Variants in HPX observed in about 807,000 individuals in gnomAD.
HPX encodes the protein hemopexin, also known as beta-1B-glycoprotein.
A neutral mutation model predicts 53.8 loss-of-function variants in HPX; 42 were observed. The ratio of observed to expected loss-of-function variants is 0.78; its 90% CI spans 0.61 to 1.01. The LOEUF (loss-of-function observed/expected upper bound fraction) is 1.01, where lower values mean the gene tolerates loss of function less well. Among genes scored for constraint, HPX ranks in the 50% least tolerant of loss-of-function variants. HPX has a pLI of 0.00. For synonymous variants in HPX, 229 were observed against 221.1 expected, an observed-to-expected ratio of 1.04 and a Z score of -0.32; for missense variants, 547 against 594.3, an observed-to-expected ratio of 0.92 and a Z score of 0.83.
At position 6,431,381 on chromosome 11, in the gene HPX, A is replaced by C. The variant is rs749582297; in HGVS notation, c.1219T>G (p.Leu407Val). The C allele has an allele frequency of 1.2e-6, 2 of 1,614,222 alleles. No homozygotes were observed. The highest frequency in any genetic ancestry group is 3.3e-5 in the Admixed American group (2 of 60,024). ...GGGCCAAGGGACTTTTCCATACACA[A>C]GGCTCCGTCTACCTTCTCATGGGGC... ...PWPHEKVDGA[L>V]CMEKSLGPNS... Residue 407 changes from leucine (L) to valine (V), a missense_variant, in exon 10 of 10, where the codon TTG becomes GTG. Coordinates refer to ENST00000265983, the MANE Select transcript of HPX (RefSeq NM_000613.3).
At chr11:6,436,012 T>C (rs1006986644) in intron 7 of HPX, among the ~76,000 whole-genome samples, 1 of 152,206 alleles carries the variant, frequency 6.6e-6, no homozygotes, top group Non-Finnish European at 1.5e-5. Context: ...CCCAATGGGC[T>C]CCCACCATGG....
intron 4 of HPX, among the ~76,000 whole-genome samples, chr11:6,439,310 C>A (rs149729167): frequency 6.6e-6 from 1 of 152,254 alleles, no homozygotes; most frequent in African/African-American, 2.4e-5. Context: ...GATCATGAGA[C>A]CCTGTGTGCA....
rs772557650 is a variant in HPX at position 6,438,394 on chromosome 11, C to A, written c.452G>T (p.Arg151Leu). The change falls in exon 5 of 10, where the codon CGT (arginine) becomes CTT (leucine). Residue 151 changes from arginine to leucine, a missense_variant. Arg to Leu is a moderately radical substitution (Grantham distance 102). Coordinates refer to ENST00000265983, the MANE Select transcript of HPX (RefSeq NM_000613.3). ...GACGCCTTCAGCTTGACATTCTCCACGGTGACATTCCACAGCTGCATCCAG... is the reference window on the plus strand; with the variant it reads ...GACGCCTTCAGCTTGACATTCTCCAAGGTGACATTCCACAGCTGCATCCAG... ...SPLDAAVECHRGECQAEGVLF... is the reference protein window; with the variant it reads ...SPLDAAVECHLGECQAEGVLF... The A allele has an allele frequency of 6.2e-7, 1 of 1,614,146 alleles. No homozygotes were observed. Among genetic ancestry groups the A allele is most frequent in the Non-Finnish European group, 8.5e-7 (1 of 1,180,014 alleles).
intron 4 of HPX, 96 bp from the exon 5 acceptor site, chr11:6,438,605 C>T (rs1849447590): frequency 3.7e-6 from 4 of 1,091,292 alleles, no homozygotes; most frequent in Non-Finnish European, 5.4e-6. Context: ...TATACGATAT[C>T]CTCCTGTGGC....
intron 7 of HPX, among the ~76,000 whole-genome samples, chr11:6,435,232 G>A (rs1193986065): frequency 2.6e-5 from 4 of 151,862 alleles, no homozygotes; most frequent in Middle Eastern, 3.2e-3. Flanking sequence ...CCAAGATTGC[G>A]CCATTGCACT....
rs71056749 is a variant in HPX at position 6,440,567 on chromosome 11, T to TAA, written c.143-31_143-30dup. The TAA allele has an allele frequency of 1.4e-3, 851 of 590,566 alleles. 21 individuals carry two copies. The highest frequency in any genetic ancestry group is 2.7e-3 in the African/African-American group (83 of 30,624). 36.6% of individuals were successfully genotyped at this position (590,566 alleles called of 1,614,324 possible). ...GGGTGGAGGTAGGGAGATGGCAAAG[T>TAA]AAAAAAAAAAAAAAAAAAAAAAAAA... On this transcript the variant is annotated intron_variant, in intron 2 of 9. Coordinates refer to ENST00000265983, the MANE Select transcript of HPX (RefSeq NM_000613.3).
At chr11:6,440,762 T>C (rs765101377) in intron 1 of HPX, 32 bp from the exon 2 acceptor site, 10 of 1,607,330 alleles carry the variant, frequency 6.2e-6, no homozygotes, top group South Asian at 3.3e-5. Context: ...TCTTGATCCA[T>C]TGGGACCGAT....
rs765865106 is a variant in HPX at position 6,437,144 on chromosome 11, T to C, written c.737A>G (p.Asn246Ser). 10 of 1,613,870 alleles carry C rather than the reference T, an allele frequency of 6.2e-6. No homozygotes were observed. In the East Asian group the frequency reaches 2.2e-4, roughly 36 times the overall value. ...ATACTCAGGGCCATGGTGGGTACTG[T>C]TCCCATGGCCAGTCCCATTCCTGTG... Reference protein sequence around the residue: ...HGHRNGTGHGNSTHHGPEYMR... With the variant: ...HGHRNGTGHGSSTHHGPEYMR... The change falls in exon 7 of 10, where the codon AAC becomes AGC. Residue 246 changes from asparagine to serine, a missense_variant. Coordinates refer to ENST00000265983, the MANE Select transcript of HPX (RefSeq NM_000613.3).
chr11:6,436,428 A>C (rs1475131557), intron 7 of HPX, among the ~76,000 whole-genome samples: 2 of 152,174 alleles, frequency 1.3e-5, no homozygotes, highest in Non-Finnish European at 2.9e-5. Context: ...GGCTTTTACC[A>C]ATTGATGCCA....
Position 6,431,225 on chromosome 11 carries a change from C to A in HPX, c.1375G>T (p.Gly459Cys), listed in dbSNP as rs745736661. ...PQPQNVTSLL[G>C]CTH ...CAGAAGGCCCCTCAGTGAGTGCAGC[C>A]CAGGAGACTGGTCACATTCTGGGGT... The change falls in exon 10 of 10, where the codon GGC becomes TGC. Residue 459 changes from glycine (G) to cysteine (C), a missense_variant. Gly to Cys is a radical substitution (Grantham distance 159). Transcript: ENST00000265983. The A allele has an allele frequency of 1.2e-6, 2 of 1,614,088 alleles. No homozygotes were observed. The highest frequency in any genetic ancestry group is 1.7e-6 in the Non-Finnish European group (2 of 1,180,046).
intron 7 of HPX, 78 bp downstream of exon 7, chr11:6,436,968 G>A: frequency 6.7e-7 from 1 of 1,486,584 alleles, no homozygotes; most frequent in South Asian, 1.2e-5. Flanking sequence ...TGATGACAAT[G>A]GAGAAATGTG....
chr11:6,438,337 G>A lies in HPX; in HGVS notation c.490+19C>T. Reference sequence around the variant, plus strand: ...AACCCACCACTACTCCAGGTTCTTGGATTCCAGCCTGGACTGACCTTGGAA... The same window carrying A: ...AACCCACCACTACTCCAGGTTCTTGAATTCCAGCCTGGACTGACCTTGGAA... On this transcript the variant is annotated intron_variant, in intron 5 of 9. Transcript: ENST00000265983. 8 of 1,612,904 alleles carry A rather than the reference G, an allele frequency of 5.0e-6. No individual in the cohort carries two copies. The highest frequency in any genetic ancestry group is 6.8e-6 in the Non-Finnish European group (8 of 1,179,250).
chr11:6,435,189 C>A (rs1040988749), intron 7 of HPX, among the ~76,000 whole-genome samples: 1 of 152,090 alleles, frequency 6.6e-6, no homozygotes, highest in Non-Finnish European at 1.5e-5. Flanking sequence ...GCAGGAGGAT[C>A]GCTTGAACCC....
intron 7 of HPX, among the ~76,000 whole-genome samples, chr11:6,434,857 T>C (rs1261957311): frequency 2.0e-5 from 3 of 152,006 alleles, no homozygotes; most frequent in African/African-American, 7.3e-5. Flanking sequence ...TGAAAGATCA[T>C]GAAGTAGTGA....
Position 6,436,967 on chromosome 11 carries a change from T to C in HPX, c.835+79A>G, listed in dbSNP as rs188411293. The C allele has an allele frequency of 2.1e-3, 3,099 of 1,475,970 alleles. 6 individuals are homozygous for C. Among genetic ancestry groups the C allele is most frequent in the Non-Finnish European group, 2.6e-3 (2,739 of 1,064,724 alleles). 91.4% of individuals were successfully genotyped at this position (1,475,970 alleles called of 1,614,324 possible). A position where few individuals can be genotyped will look rare whatever the true frequency, so the allele number is the denominator to read the frequency against. On this transcript the variant is annotated intron_variant, in intron 7 of 9. Transcript: ENST00000265983. Reference sequence around the variant, plus strand: ...AAAATAAGTGACACAGTGATGACAATGGAGAAATGTGTCAAGGATGGGAGA... The same window carrying C: ...AAAATAAGTGACACAGTGATGACAACGGAGAAATGTGTCAAGGATGGGAGA...
intron 7 of HPX, 46 bp downstream of exon 7, chr11:6,436,999 TA>T: frequency 1.3e-6 from 2 of 1,599,816 alleles, no homozygotes; most frequent in Non-Finnish European, 1.7e-6. Flanking sequence ...GAGATACAAG[TA>T]AAAGAGATGT....
intron 7 of HPX, 135 bp downstream of exon 7, chr11:6,436,911 G>A: frequency 1.1e-5 from 10 of 934,304 alleles, no homozygotes; most frequent in Non-Finnish European, 1.5e-5. Flanking sequence ...GGATGCAGAA[G>A]GGCATGCAGA....
In HPX at chr11:6,437,591, A is replaced by G. The variant is rs1288012658; in HGVS notation, c.552T>C (p.Ala184=). The G allele has an allele frequency of 6.2e-7, 1 of 1,614,210 alleles. No individual in the cohort carries two copies. The highest frequency in any genetic ancestry group is 8.5e-7 in the Non-Finnish European group (1 of 1,180,028). The change falls in exon 6 of 10, where the codon GCT becomes GCC. Residue 184 remains alanine (A), a synonymous_variant. Coordinates refer to ENST00000265983, the MANE Select transcript of HPX (RefSeq NM_000613.3). ...TGTMKERSWP[A]VGNCSSALRW... ...TCAGGGCAGAGGAGCAGTTCCCAAC[A>G]GCTGGCCAGGAACGCTCCTTCATGG...
intron 4 of HPX, among the ~76,000 whole-genome samples, chr11:6,439,420 G>A (rs1207790356): frequency 2.0e-5 from 3 of 152,172 alleles, no homozygotes; most frequent in African/African-American, 7.2e-5. Flanking sequence ...GCTTAGTTTG[G>A]GGGATGCTGA....
Sources: allele counts gnomAD v4.1 joint callset (sites outside exome capture counted in the v4.1 genomes callset), GRCh38; gene constraint gnomAD v4.1.1; transcripts MANE v1.5; gene names NCBI Gene and HGNC (gene_info 2026-07-23, HGNC 2026-07-21).